GRAMD1B: variants seen among roughly 807,000 people sequenced by gnomAD.
GRAMD1B encodes the protein GRAM domain containing 1B.
A neutral mutation model predicts 99.7 loss-of-function variants in GRAMD1B; 37 were observed. The observed-to-expected ratio is 0.37, with a 90% CI of 0.29 to 0.49. The LOEUF is 0.49. Among genes scored for constraint, GRAMD1B ranks in the 20% least tolerant of loss-of-function variants. GRAMD1B has a pLI of 0.98. For missense variants in GRAMD1B, 888 were observed against 1,009.2 expected (o/e 0.88, Z 1.63); for synonymous variants, 427 against 387.6 (o/e 1.10, Z -1.19).
At chr11:123,526,178 A>G in intron 2 of GRAMD1B, 3 of 1,612,000 alleles carry the variant, frequency 1.9e-6, no homozygotes, top group East Asian at 2.2e-5. Flanking sequence ...CCTGGTAAGT[A>G]GAGGAGGGAT....
Position 123,594,294 on chromosome 11 carries a change from C to A in GRAMD1B, c.769+128C>A. On this transcript the variant is annotated intron_variant, in intron 5 of 19. Coordinates refer to ENST00000635736, the MANE Select transcript of GRAMD1B (RefSeq NM_001387025.1). ...GCAAGGGAACAGGGAGAGAGGCTGT[C>A]CAGACCCCTGGCCCCAGCTGTCAGG... 8.6e-6 allele frequency: 6 copies of A among 700,352 alleles called. No homozygotes were observed. The South Asian group carries it at 9.7e-5, about 11-fold the overall frequency. 43.4% of individuals were successfully genotyped at this position (700,352 alleles called of 1,614,324 possible).
rs144759636 is a variant in GRAMD1B, at chr11:123,594,503, T to A, written c.770-232T>A. On this transcript the variant is annotated intron_variant, in intron 5 of 19. Coordinates refer to ENST00000635736, the MANE Select transcript of GRAMD1B (RefSeq NM_001387025.1). ...TCTTGCTTCCTTGGCCCACTTTGCCTTCACATTTATTTATCTGCCTCTAGG... is the reference window on the plus strand; with the variant it reads ...TCTTGCTTCCTTGGCCCACTTTGCCATCACATTTATTTATCTGCCTCTAGG... 4.1e-3 allele frequency among the ~76,000 whole-genome samples: 626 copies of A among 152,346 alleles called. 4 individuals carry two copies. Among genetic ancestry groups the A allele is most frequent in the South Asian group, 0.014 (66 of 4,824 alleles).
chr11:123,538,471 A>G (rs915194377), intron 2 of GRAMD1B, among the ~76,000 whole-genome samples: 2 of 152,114 alleles, frequency 1.3e-5, no homozygotes, highest in African/African-American at 4.8e-5. Flanking sequence ...ATTTGCAGCT[A>G]TTACCACAGT....
rs138354475 is a variant in GRAMD1B, at chr11:123,440,440, C to T, written c.374+9274C>T. 3.3e-5 allele frequency among the ~76,000 whole-genome samples: 5 copies of T among 152,206 alleles called. No individual in the cohort carries two copies. In the East Asian group the frequency reaches 9.7e-4, roughly 30 times the overall value. On this transcript the variant is annotated intron_variant, in intron 1 of 19. Coordinates refer to ENST00000635736, the MANE Select transcript of GRAMD1B (RefSeq NM_001387025.1). The stretch of plus-strand genomic sequence containing the variant: ...CGGGAGAATCGTTTAAACCGGGAAA[C>T]AGTGGTTGCAGTGACCCAAGATAGC...
intron 6 of GRAMD1B, among the ~76,000 whole-genome samples, chr11:123,595,699 G>C (rs574064458): frequency 6.6e-6 from 1 of 152,236 alleles, no homozygotes; most frequent in East Asian, 1.9e-4. Flanking sequence ...ATAGAAATTA[G>C]AAAGCTCTTT....
At position 123,613,565 on chromosome 11, in the gene GRAMD1B, G is replaced by A. The variant is rs776221454; in HGVS notation, c.2134G>A (p.Ala712Thr). ...TTVRRRKRPHAHLRVPHLEEV... is the reference protein window; with the variant it reads ...TTVRRRKRPHTHLRVPHLEEV... ...GGTGCGGAGGAGGAAGCGTCCCCAT[G>A]CCCACCTGCGAGTCCCTCACCTGGA... The change falls in exon 16 of 20, where the codon GCC becomes ACC. Residue 712 changes from alanine to threonine, a missense_variant. Physicochemically the swap from Ala to Thr is moderately conservative, Grantham distance 58 (BLOSUM62 0). Around this residue, in one of 5 missense-constraint regions of GRAMD1B, gnomAD observed 232 missense variants for 261.7 expected, o/e 0.89. Coordinates refer to ENST00000635736, the MANE Select transcript of GRAMD1B (RefSeq NM_001387025.1). 1 of 1,613,804 alleles carries A rather than the reference G, an allele frequency of 6.2e-7. No individual in the cohort carries two copies. The highest frequency in any genetic ancestry group is 2.2e-5 in the East Asian group (1 of 44,870).
chr11:123,447,138 G>C (rs1238354791), intron 1 of GRAMD1B, among the ~76,000 whole-genome samples: 1 of 152,134 alleles, frequency 6.6e-6, no homozygotes, highest in African/African-American at 2.4e-5. Flanking sequence ...GACAGGATCT[G>C]CTGGGTGGGA....
chr11:123,416,540 T>C (rs1948238062), intron 1 of GRAMD1B, among the ~76,000 whole-genome samples: 1 of 152,236 alleles, frequency 6.6e-6, no homozygotes, highest in South Asian at 2.1e-4. Context: ...TAACTTGACC[T>C]CAGTCTTTAT....
intron 9 of GRAMD1B, 84 bp downstream of exon 9, chr11:123,603,625 C>A: frequency 1.3e-6 from 1 of 786,802 alleles, no homozygotes; most frequent in Non-Finnish European, 2.3e-6. Context: ...GAACAGCACA[C>A]ATGCCTGTGC....
At chr11:123,469,509 G>A (rs1430939659) in intron 1 of GRAMD1B, among the ~76,000 whole-genome samples, 1 of 152,074 alleles carries the variant, frequency 6.6e-6, no homozygotes, top group African/African-American at 2.4e-5. Flanking sequence ...AACTGATGTG[G>A]GGTTGCATTT....
At chr11:123,370,026 A>G (rs1300776018) in intron 1 of GRAMD1B, among the ~76,000 whole-genome samples, 2 of 152,058 alleles carry the variant, frequency 1.3e-5, no homozygotes, top group Non-Finnish European at 1.5e-5. Context: ...TCAAGAGATA[A>G]CTTCTTGGCC....
chr11:123,563,689 C>T (rs1947050510), intron 2 of GRAMD1B, among the ~76,000 whole-genome samples: 1 of 152,104 alleles, frequency 6.6e-6, no homozygotes, highest in South Asian at 2.1e-4. Context: ...ATTTTAAGAA[C>T]ATTTTTTAAT....
chr11:123,363,923 C>T (rs185632638), intron 1 of GRAMD1B, among the ~76,000 whole-genome samples: 1 of 152,292 alleles, frequency 6.6e-6, no homozygotes, highest in East Asian at 1.9e-4. Context: ...CCCGTTTGCA[C>T]ATAACCATCC....
Position 123,584,303 on chromosome 11 carries a change from T to C in GRAMD1B, c.664-9T>C. ...TAATTCTACCTTCTCTTTCATTTTC[T>C]CTTTTCAGAAAAGCCAGAGTTGGTA... is the stretch of plus-strand genomic sequence containing the variant. On this transcript the variant is annotated splice_polypyrimidine_tract_variant and intron_variant, in intron 3 of 19. Coordinates refer to ENST00000635736, the MANE Select transcript of GRAMD1B (RefSeq NM_001387025.1). The C allele has an allele frequency of 1.1e-6, 1 of 937,382 alleles. No homozygotes were observed. The highest frequency in any genetic ancestry group is 1.8e-5 in the South Asian group (1 of 55,070). 58.1% of individuals were successfully genotyped at this position (937,382 alleles called of 1,614,324 possible).
chr11:123,560,067 C>CT (rs962670657), intron 2 of GRAMD1B, among the ~76,000 whole-genome samples: 1 of 66,130 alleles, frequency 1.5e-5, no homozygotes, highest in Non-Finnish European at 3.3e-5. Context: ...AGGAAATAAC[C>CT]CCCCCCCCCG....
At chr11:123,363,522 T>C (rs2135688602) in intron 1 of GRAMD1B, among the ~76,000 whole-genome samples, 1 of 152,302 alleles carries the variant, frequency 6.6e-6, no homozygotes, top group South Asian at 2.1e-4. Context: ...CCCAGTTAAC[T>C]GAATTCTGGT....
At chr11:123,426,907 T>C (rs11219137), upstream of GRAMD1B, among the ~76,000 whole-genome samples, 20,461 of 152,152 alleles carry the variant, frequency 0.13, 3,064 homozygotes, top group African/African-American at 0.37. Context: ...TTGGGTGTCT[T>C]GTGTCTGTAG....
At position 123,503,874 on chromosome 11, in the gene GRAMD1B, T is replaced by G. The variant is rs556604095; in HGVS notation, c.452+22981T>G. On this transcript the variant is annotated intron_variant, in intron 2 of 19. Coordinates refer to ENST00000635736, the MANE Select transcript of GRAMD1B (RefSeq NM_001387025.1). ...ATTTTACCATTTTTTAGTTACTGCG[T>G]TTTCACTTAAATCTTACCATTTTTC... 2.0e-5 allele frequency among the ~76,000 whole-genome samples: 3 copies of G among 152,330 alleles called. No individual in the cohort carries two copies. The South Asian group carries it at 6.2e-4, about 32-fold the overall frequency.
At chr11:123,406,646 G>A (rs1947867241) in intron 1 of GRAMD1B, among the ~76,000 whole-genome samples, 1 of 152,172 alleles carries the variant, frequency 6.6e-6, no homozygotes, top group South Asian at 2.1e-4. Context: ...GAGTGTTATT[G>A]TTTAACTTCT....
Sources: allele counts gnomAD v4.1 joint callset (sites outside exome capture counted in the v4.1 genomes callset), GRCh38; gene constraint gnomAD v4.1.1; regional missense constraint gnomAD v4.1.1; transcripts MANE v1.5; gene names NCBI Gene and HGNC (gene_info 2026-07-23, HGNC 2026-07-21).